Variants in MCTP2 observed in about 807,000 individuals in gnomAD.
The protein encoded by MCTP2 is multiple C2 and transmembrane domain containing 2.
Under a neutral mutation model 111.6 loss-of-function variants are expected in MCTP2, and 132 were observed. That is an observed-to-expected ratio of 1.18 (90% CI 1.03 to 1.37). The LOEUF (loss-of-function observed/expected upper bound fraction) is 1.37. MCTP2 is among the 40% of genes most tolerant of loss of function. The probability of loss-of-function intolerance (pLI) is 0.00; values close to 1 mark genes in which losing one functional copy is unlikely to be tolerated. For missense variants in MCTP2, 1,183 were observed against 1,067.9 expected (o/e 1.11, Z -1.50); for synonymous variants, 395 against 387.7 (o/e 1.02, Z -0.22).
chr15:94,456,534 C>T (rs2084846798), intron 19 of MCTP2, among the ~76,000 whole-genome samples: 1 of 152,148 alleles, frequency 6.6e-6, no homozygotes, highest in Non-Finnish European at 1.5e-5. Context: ...TGGGTTTTCA[C>T]CATTGTGCCC....
At chr15:94,457,903 A>G (rs1284877329) in intron 19 of MCTP2, among the ~76,000 whole-genome samples, 2 of 152,016 alleles carry the variant, frequency 1.3e-5, no homozygotes, top group Admixed American at 6.6e-5. Flanking sequence ...TCCCTTTATC[A>G]CCTCATGGCA....
intron 1 of MCTP2, among the ~76,000 whole-genome samples, chr15:94,261,423 T>G (rs530631118): frequency 5.9e-5 from 9 of 152,332 alleles, no homozygotes; most frequent in Non-Finnish European, 1.2e-4. Flanking sequence ...CTGTGAGTCT[T>G]AGTGACAACT....
At chr15:94,382,993 G>T (rs1283816955) in intron 12 of MCTP2, among the ~76,000 whole-genome samples, 1 of 152,226 alleles carries the variant, frequency 6.6e-6, no homozygotes, top group Non-Finnish European at 1.5e-5. Flanking sequence ...GTTTTTTGGT[G>T]TGCAAATATG....
intron 1 of MCTP2, chr15:94,278,397 C>G (rs941989050): frequency 6.6e-6 from 1 of 152,124 alleles, no homozygotes; most frequent in African/African-American, 2.4e-5. Context: ...TTGGTCTTTG[C>G]AGTAAAGGGT....
chr15:94,276,902 G>A (rs1014399382), intron 1 of MCTP2, among the ~76,000 whole-genome samples: 10 of 142,148 alleles, frequency 7.0e-5, no homozygotes, highest in Non-Finnish European at 1.5e-4. Context: ...AATATTACGA[G>A]GATGGTTAAT....
intron 2 of MCTP2, among the ~76,000 whole-genome samples, chr15:94,301,702 A>G (rs1029718681): frequency 1.6e-4 from 24 of 152,212 alleles, no homozygotes; most frequent in Non-Finnish European, 1.5e-4. Context: ...TGATTTAATT[A>G]AAATCATCTG....
chr15:94,461,239 C>T (rs1271602107), intron 20 of MCTP2, among the ~76,000 whole-genome samples: 1 of 152,134 alleles, frequency 6.6e-6, no homozygotes, highest in East Asian at 1.9e-4. Context: ...GTGGGCGGAT[C>T]ACCTGAGGTC....
chr15:94,424,307 T>C (rs1223843346), intron 17 of MCTP2, among the ~76,000 whole-genome samples: 1 of 152,152 alleles, frequency 6.6e-6, no homozygotes, highest in Non-Finnish European at 1.5e-5. Context: ...TATTTTCATT[T>C]TGTTTTTTGG....
At chr15:94,281,730 G>A (rs190193822) in intron 1 of MCTP2, among the ~76,000 whole-genome samples, 2 of 152,214 alleles carry the variant, frequency 1.3e-5, no homozygotes, top group African/African-American at 4.8e-5. Flanking sequence ...TTCCCATAAG[G>A]ACCTCTTATA....
chr15:94,312,109 G>C (rs1055143588), intron 2 of MCTP2, among the ~76,000 whole-genome samples: 1 of 152,174 alleles, frequency 6.6e-6, no homozygotes, highest in African/African-American at 2.4e-5. Context: ...TAGAACTGGA[G>C]ACCATAGCAT....
intron 1 of MCTP2, among the ~76,000 whole-genome samples, chr15:94,245,424 G>A (rs1477828451): frequency 6.1e-5 from 5 of 82,464 alleles, no homozygotes; most frequent in Admixed American, 4.7e-4. Flanking sequence ...ATACATGTGT[G>A]TATATATTTA....
chr15:94,392,359 G>A (rs1165225873), intron 14 of MCTP2, among the ~76,000 whole-genome samples: 13 of 149,310 alleles, frequency 8.7e-5, no homozygotes, highest in African/African-American at 2.5e-4. Flanking sequence ...GTGACCAAGC[G>A]AGACTCCATC....
Position 94,276,949 on chromosome 15 carries a change from A to C in MCTP2, c.-65-21252A>C, listed in dbSNP as rs1301510232. 3.6e-5 allele frequency among the ~76,000 whole-genome samples: 4 copies of C among 110,566 alleles called. No homozygotes were observed. In the South Asian group the frequency reaches 7.1e-4, roughly 20 times the overall value. The allele number at this position is 110,566 out of a possible 152,430, so 72.5% of individuals were successfully genotyped here. The stretch of plus-strand genomic sequence containing the variant: ...TGTTACGTATTGAGTTGGAAGCCCA[A>C]AAAAAAAAAAAAAAAAATTAAGTGA... On this transcript the variant is annotated intron_variant, in intron 1 of 22. Transcript: ENST00000357742.
At chr15:94,434,579 A>T (rs1249409234) in intron 17 of MCTP2, among the ~76,000 whole-genome samples, 1 of 151,984 alleles carries the variant, frequency 6.6e-6, no homozygotes, top group East Asian at 1.9e-4. Flanking sequence ...TTTTTTCCCC[A>T]TACATATATC....
intron 1 of MCTP2, among the ~76,000 whole-genome samples, chr15:94,240,305 A>G (rs889622686): frequency 5.3e-5 from 8 of 152,120 alleles, no homozygotes; most frequent in African/African-American, 1.9e-4. Flanking sequence ...TAGAACTTGC[A>G]CAAGGTCACC....
intron 1 of MCTP2, among the ~76,000 whole-genome samples, chr15:94,267,896 T>C (rs1433980063): frequency 8.4e-5 from 9 of 107,646 alleles, no homozygotes; most frequent in South Asian, 3.3e-4. Flanking sequence ...GACAGAGTCT[T>C]GCTCTGTCGC....
At chr15:94,237,456 A>G (rs1183444222) in intron 1 of MCTP2, among the ~76,000 whole-genome samples, 4 of 138,530 alleles carry the variant, frequency 2.9e-5, no homozygotes, top group Non-Finnish European at 6.3e-5. Flanking sequence ...TTTTTTTTTT[A>G]TGCTGCCCAA....
At chr15:94,320,141 CTTTTTTTT>C (rs71135503) in intron 4 of MCTP2, among the ~76,000 whole-genome samples, 11 of 117,980 alleles carry the variant, frequency 9.3e-5, no homozygotes, top group Admixed American at 8.4e-5. Flanking sequence ...GTTTATTAAT[CTTTTTTTT>C]TTTTTTTTTT....
At chr15:94,254,310 A>G (rs559705596) in intron 1 of MCTP2, among the ~76,000 whole-genome samples, 17 of 152,302 alleles carry the variant, frequency 1.1e-4, no homozygotes, top group African/African-American at 4.1e-4. Context: ...TGGTGATCCC[A>G]GTTACGTAGG....
Sources: gnomAD v4.1 joint callset for allele counts (sites outside exome capture counted in the v4.1 genomes callset) on GRCh38, gnomAD v4.1.1 for gene constraint, MANE v1.5 for transcripts, NCBI Gene and HGNC (gene_info 2026-07-23, HGNC 2026-07-21) for gene names.